The following CA6 variants were observed in gnomAD, a reference collection of about 807,000 sequenced individuals.
The protein encoded by CA6 is carbonic anhydrase 6, also known as carbonate dehydratase VI.
In CA6, 28 loss-of-function variants were observed where a neutral mutation model predicts 35.9. That is an observed-to-expected ratio of 0.78 (90% CI 0.58 to 1.07). The LOEUF (loss-of-function observed/expected upper bound fraction) is 1.07. CA6 is among the 50% of genes least tolerant of loss of function. CA6 has a pLI of 0.00. For synonymous variants in CA6, 148 were observed against 152.6 expected, an observed-to-expected ratio of 0.97 and a Z score of 0.22; for missense variants, 377 against 382.0, an observed-to-expected ratio of 0.99 and a Z score of 0.11.
rs979320080 is a variant in CA6, at chr1:8,949,937, C to T, written c.259+495C>T. Among the ~76,000 whole-genome samples the T allele has an allele frequency of 6.6e-5, 10 of 152,044 alleles. No homozygotes were observed. In the East Asian group the frequency reaches 7.7e-4, roughly 12 times the overall value. On this transcript the variant is annotated intron_variant, in intron 2 of 7. Coordinates refer to ENST00000377443, the MANE Select transcript of CA6 (RefSeq NM_001215.4). ...GAAGGTCAGACAGAAAAAGCAGGGC[C>T]GTGGGGATGCCCCACTTCAGGAATC...
intron 4 of CA6, 25 bp from the exon 5 acceptor site, chr1:8,962,562 C>A: frequency 6.3e-7 from 1 of 1,596,588 alleles, no homozygotes; most frequent in Non-Finnish European, 8.6e-7. Flanking sequence ...TTCACTTACG[C>A]TCAGTGCTCT....
At position 8,958,966 on chromosome 1, in the gene CA6, G is replaced by T. The variant is rs780536049; in HGVS notation, c.465G>T (p.Ala155=). 14 of 1,612,836 alleles carry T rather than the reference G, an allele frequency of 8.7e-6. No individual in the cohort carries two copies. In the South Asian group the frequency reaches 1.4e-4, roughly 16 times the overall value. Residue 155 remains alanine (A), a synonymous_variant, in exon 4 of 8, where the codon GCG becomes GCT. Coordinates refer to ENST00000377443, the MANE Select transcript of CA6 (RefSeq NM_001215.4). The part of the protein sequence containing the change: ...KYKSYDIAQD[A]PDGLAVLAAF... ...AGAGCTATGATATAGCCCAAGATGC[G>T]CCGGATGGTTTGGCTGTACTGGCAG...
At chr1:8,962,757 G>A in intron 5 of CA6, 101 bp downstream of exon 5, 2 of 1,019,958 alleles carry the variant, frequency 2.0e-6, no homozygotes, top group South Asian at 2.6e-5. Context: ...GGTGGGGAGG[G>A]TGGCCCGTGG....
chr1:8,949,989 T>C (rs1380400228), intron 2 of CA6, among the ~76,000 whole-genome samples: 1 of 152,016 alleles, frequency 6.6e-6, no homozygotes, highest in East Asian at 1.9e-4. Flanking sequence ...AAATTTTGTT[T>C]ATTTTTTTGA....
intron 6 of CA6, among the ~76,000 whole-genome samples, chr1:8,968,990 C>G (rs986822238): frequency 6.6e-6 from 1 of 150,882 alleles, no homozygotes; most frequent in African/African-American, 2.4e-5. Context: ...TGCACTCCAG[C>G]CTGGGCAACA....
intron 2 of CA6, chr1:8,951,514 C>T: frequency 1.3e-6 from 1 of 765,200 alleles, no homozygotes; most frequent in Non-Finnish European, 2.4e-6. Context: ...TTTGTTCACC[C>T]TCCCTGGACA....
At chr1:8,961,493 A>G (rs1360413416) in intron 4 of CA6, among the ~76,000 whole-genome samples, 1 of 152,236 alleles carries the variant, frequency 6.6e-6, no homozygotes, top group Non-Finnish European at 1.5e-5. Flanking sequence ...TATTAACCTG[A>G]CATAGATTGT....
At chr1:8,964,782 G>A (rs1479732855) in intron 5 of CA6, among the ~76,000 whole-genome samples, 2 of 152,122 alleles carry the variant, frequency 1.3e-5, no homozygotes, top group African/African-American at 2.4e-5. Flanking sequence ...GTGACGGTCA[G>A]ATCTATGGGC....
chr1:8,956,429 G>A (rs1368544346), intron 2 of CA6, among the ~76,000 whole-genome samples: 1 of 152,094 alleles, frequency 6.6e-6, no homozygotes, highest in Non-Finnish European at 1.5e-5. Context: ...GGAGGCTGAG[G>A]CAGGTGGATC....
intron 3 of CA6, 109 bp downstream of exon 3, chr1:8,957,394 G>A (rs1639717787): frequency 3.7e-6 from 4 of 1,070,706 alleles, no homozygotes; most frequent in Admixed American, 2.5e-5. Flanking sequence ...CGGCTGGAGT[G>A]CAGTGGCACA....
chr1:8,962,768 G>A (rs1227402857), intron 5 of CA6, 112 bp downstream of exon 5: 2 of 897,558 alleles, frequency 2.2e-6, no homozygotes, highest in East Asian at 2.4e-5. Context: ...TGGCCCGTGG[G>A]CCCTGCCAAG....
chr1:8,957,111 C>G, intron 2 of CA6, 26 bp from the exon 3 acceptor site: 1 of 1,575,528 alleles, frequency 6.3e-7, no homozygotes, highest in Non-Finnish European at 8.6e-7. Context: ...ACCTACTCTG[C>G]TCTCAGCCCC....
At chr1:8,950,577 C>T (rs1277385181) in intron 2 of CA6, among the ~76,000 whole-genome samples, 1 of 151,964 alleles carries the variant, frequency 6.6e-6, no homozygotes. Context: ...ATAGGACAGT[C>T]ACTGGACTTG....
intron 2 of CA6, 47 bp downstream of exon 2, chr1:8,949,489 A>C (rs760211526): frequency 1.3e-6 from 2 of 1,503,242 alleles, no homozygotes; most frequent in Non-Finnish European, 1.8e-6. Flanking sequence ...GGCAGCCTGC[A>C]GGGGAAGGCA....
At position 8,947,879 on chromosome 1, in the gene CA6, T is replaced by C. The variant is rs12410700; in HGVS notation, c.80-1384T>C. On this transcript the variant is annotated intron_variant, in intron 1 of 7. Transcript: ENST00000377443. The stretch of plus-strand genomic sequence containing the variant: ...TTTTTTTTTTTTGAGAGTTTCACTC[T>C]CGTTGCCCAGGCTGGAGTGCAGTGG... 0.01 allele frequency among the ~76,000 whole-genome samples: 1,550 copies of C among 148,646 alleles called. 51 individuals are homozygous for C. In the East Asian group the frequency reaches 0.11, roughly 10 times the overall value.
chr1:8,972,371 C>A (rs1337273788), intron 7 of CA6, among the ~76,000 whole-genome samples: 4 of 151,958 alleles, frequency 2.6e-5, no homozygotes, highest in Non-Finnish European at 5.9e-5. Flanking sequence ...TTTATATGTA[C>A]CTTTTAAAAC....
chr1:8,953,329 A>G (rs545488817), intron 2 of CA6, among the ~76,000 whole-genome samples: 51 of 152,248 alleles, frequency 3.3e-4, no homozygotes, highest in African/African-American at 1.2e-3. Context: ...AGCTGTTATA[A>G]AACCCATATG....
Position 8,949,412 on chromosome 1 carries a change from G to A in CA6, c.229G>A (p.Glu77Lys). 1 of 1,613,198 alleles carries A rather than the reference G, an allele frequency of 6.2e-7. No homozygotes were observed. The highest frequency in any genetic ancestry group is 1.1e-5 in the South Asian group (1 of 90,972). ...NMTGYETQAG[E>K]FPMVNNGHTV... ...GACAGGCTATGAGACCCAGGCAGGG[G>A]AGTTCCCCATGGTCAACAATGGCCA... The change falls in exon 2 of 8, where the codon GAG (glutamate) becomes AAG (lysine). Residue 77 changes from glutamate (E) to lysine (K), a missense_variant. Coordinates refer to ENST00000377443, the MANE Select transcript of CA6 (RefSeq NM_001215.4).
chr1:8,964,820 T>A (rs1233247928), intron 5 of CA6, among the ~76,000 whole-genome samples: 1 of 152,178 alleles, frequency 6.6e-6, no homozygotes, highest in Non-Finnish European at 1.5e-5. Flanking sequence ...TAGTTTACCT[T>A]CAAAGGGTGG....
Sources: gnomAD v4.1 joint callset for allele counts (sites outside exome capture counted in the v4.1 genomes callset) on GRCh38, gnomAD v4.1.1 for gene constraint, MANE v1.5 for transcripts, NCBI Gene and HGNC (gene_info 2026-07-23, HGNC 2026-07-21) for gene names.